EIF4G3: variants seen among roughly 807,000 people sequenced by gnomAD.
EIF4G3 encodes eukaryotic translation initiation factor 4 gamma 3, also known as eIF-4-gamma 3.
A neutral mutation model predicts 186.4 loss-of-function variants in EIF4G3; 34 were observed. The ratio of observed to expected loss-of-function variants is 0.18; its 90% CI spans 0.14 to 0.24. EIF4G3 has a LOEUF of 0.24. Among genes scored for constraint, EIF4G3 ranks in the 10% least tolerant of loss-of-function variants. EIF4G3 has a pLI of 1.00. For synonymous variants in EIF4G3, 673 were observed against 679.5 expected, an observed-to-expected ratio of 0.99 and a Z score of 0.15; for missense variants, 1,536 against 1,948.5, an observed-to-expected ratio of 0.79 and a Z score of 3.99.
chr1:20,941,386 T>C (rs1396316548), intron 14 of EIF4G3, 105 bp downstream of exon 14: 2 of 1,610,238 alleles, frequency 1.2e-6, no homozygotes, highest in African/African-American at 1.3e-5. Context: ...TCAGCATTCA[T>C]TCGATGTTTC....
In EIF4G3 at chr1:21,087,619, C is replaced by T. The variant is rs911378284; in HGVS notation, c.-196+1519G>A. The stretch of plus-strand genomic sequence containing the variant: ...ACCAACCTGAGCAACATCATAAAAC[C>T]TTGCCTCTACCAAAAAAAATTTTTT... On this transcript the variant is annotated intron_variant, in intron 3 of 36. Coordinates refer to ENST00000602326, the MANE Select transcript of EIF4G3 (RefSeq NM_001391906.1). Among the ~76,000 whole-genome samples, 3 of 149,868 alleles carry T rather than the reference C, an allele frequency of 2.0e-5. No individual in the cohort carries two copies. The South Asian group carries it at 6.4e-4, about 32-fold the overall frequency.
chr1:20,899,637 T>C lies in EIF4G3; in HGVS notation c.1999+60A>G, dbSNP rs545512498. ...AGTATCTCTCTAAAAAGAGGCAACA[T>C]TTCTCTAAGGTTGCAGTAGAGGGAT... is the stretch of plus-strand genomic sequence containing the variant. On this transcript the variant is annotated intron_variant, in intron 16 of 36. Transcript: ENST00000602326. 2.5e-4 allele frequency: 394 copies of C among 1,580,026 alleles called. 2 individuals are homozygous for C. In the African/African-American group the frequency reaches 4.7e-3, roughly 19 times the overall value.
Position 20,864,696 on chromosome 1 carries a change from C to T in EIF4G3, c.2786G>A (p.Arg929Lys), listed in dbSNP as rs1282351638. Residue 929 changes from arginine to lysine, a missense_variant, in exon 22 of 37, where the codon AGG (arginine) becomes AAG (lysine). Coordinates refer to ENST00000602326, the MANE Select transcript of EIF4G3 (RefSeq NM_001391906.1). ...EAASAPEERT[R>K]LHDELEEAKD... is the part of the protein sequence containing the mutation. ...GGCTTCTTCCAGTTCATCATGAAGC[C>T]TTGTCCTCTCCTCTGGCTGTTGTGT... 6.2e-7 allele frequency: 1 copy of T among 1,614,072 alleles called. No homozygotes were observed. Among genetic ancestry groups the T allele is most frequent in the Admixed American group, 1.7e-5 (1 of 60,030 alleles).
At chr1:20,950,973 G>T (rs1341456566) in intron 12 of EIF4G3, among the ~76,000 whole-genome samples, 1 of 152,146 alleles carries the variant, frequency 6.6e-6, no homozygotes, top group African/African-American at 2.4e-5. Context: ...TCTCCTCGGA[G>T]ATCTAAGGTC....
chr1:21,005,724 T>C (rs1377526298), intron 4 of EIF4G3, among the ~76,000 whole-genome samples: 1 of 152,172 alleles, frequency 6.6e-6, no homozygotes, highest in African/African-American at 2.4e-5. Context: ...ATCACAGATA[T>C]TGCTGGGGCT....
At chr1:20,981,328 T>G in intron 8 of EIF4G3, 101 bp from the exon 9 acceptor site, 2 of 835,246 alleles carry the variant, frequency 2.4e-6, no homozygotes, top group Non-Finnish European at 3.5e-6. Context: ...TCTGGTCAAC[T>G]TGAATTACAA....
intron 3 of EIF4G3, among the ~76,000 whole-genome samples, chr1:21,054,119 G>A (rs1429340390): frequency 6.6e-6 from 1 of 152,006 alleles, no homozygotes; most frequent in South Asian, 2.1e-4. Flanking sequence ...ATTTTGTTCT[G>A]TACTAAGAAA....
At chr1:20,873,614 T>C (rs1001368480) in intron 20 of EIF4G3, among the ~76,000 whole-genome samples, 19 of 23,558 alleles carry the variant, frequency 8.1e-4, no homozygotes, top group African/African-American at 2.3e-3. Flanking sequence ...TAAAATGGGA[T>C]TTTTTTTTCA....
intron 34 of EIF4G3, among the ~76,000 whole-genome samples, chr1:20,815,689 C>T (rs1361174651): frequency 1.3e-4 from 18 of 140,634 alleles, no homozygotes; most frequent in African/African-American, 2.7e-4. Flanking sequence ...CCGCCCCGTC[C>T]GGGAGGTGAG....
intron 3 of EIF4G3, among the ~76,000 whole-genome samples, chr1:21,083,919 C>T (rs1413306441): frequency 6.6e-6 from 1 of 152,076 alleles, no homozygotes; most frequent in Non-Finnish European, 1.5e-5. Context: ...ACTCAGTTGC[C>T]CAAACCAAGA....
At position 20,851,410 on chromosome 1, in the gene EIF4G3, A is replaced by G. The variant is rs979189885; in HGVS notation, c.3620T>C (p.Phe1207Ser). 4.3e-6 allele frequency: 7 copies of G among 1,613,970 alleles called. No homozygotes were observed. Among genetic ancestry groups the G allele is most frequent in the Admixed American group, 1.7e-5 (1 of 59,990 alleles). The change falls in exon 28 of 37, where the codon TTC becomes TCC. Residue 1207 changes from phenylalanine to serine, a missense_variant. Physicochemically the swap from Phe to Ser is radical, Grantham distance 155. This residue lies in a region of EIF4G3 where 395 missense variants were observed against 498.9 expected (regional missense o/e 0.79). Transcript: ENST00000602326. The stretch of plus-strand genomic sequence containing the variant: ...GTCTTTACTGCTGCCACCCCTCATG[A>G]AAGTATTTGGCCGAGCTGTTGCAGA... ...LPSATARPNT[F>S]MRGGSSKDLL...
At chr1:20,836,129 C>T (rs1193032365) in intron 30 of EIF4G3, among the ~76,000 whole-genome samples, 1 of 152,106 alleles carries the variant, frequency 6.6e-6, no homozygotes, top group Non-Finnish European at 1.5e-5. Context: ...CTATAGGCAC[C>T]CACCACCATG....
chr1:21,080,297 CAGAG>C (rs1163741774), intron 3 of EIF4G3, among the ~76,000 whole-genome samples: 1 of 146,616 alleles, frequency 6.8e-6, no homozygotes, highest in African/African-American at 2.5e-5. Flanking sequence ...CCATGGGCAA[CAGAG>C]AGAGACACTG....
chr1:20,892,709 CCTGCTCTGCACTTTG>C (rs1190446472), intron 18 of EIF4G3: 26 of 1,535,796 alleles, frequency 1.7e-5, no homozygotes, highest in Non-Finnish European at 8.7e-7. Context: ...GCAATCCATG[CCTGCTCTGCACTTTG>C]CAAATCTGTA....
chr1:20,934,398 A>G (rs1004667210), intron 14 of EIF4G3, among the ~76,000 whole-genome samples: 3 of 152,154 alleles, frequency 2.0e-5, no homozygotes, highest in South Asian at 2.1e-4. Context: ...GAGACAGACA[A>G]TAAGAAGGTG....
intron 3 of EIF4G3, among the ~76,000 whole-genome samples, chr1:21,080,559 G>A (rs1456497352): frequency 4.0e-5 from 6 of 151,732 alleles, no homozygotes; most frequent in Non-Finnish European, 7.4e-5. Context: ...GCCCAGGCTC[G>A]AGTGCAATGG....
chr1:21,030,219 C>G (rs2154571790), intron 4 of EIF4G3, among the ~76,000 whole-genome samples: 1 of 152,300 alleles, frequency 6.6e-6, no homozygotes. Flanking sequence ...CAGTTCTCAG[C>G]TGATATGGTT....
chr1:20,868,090 C>CTTTTTTTTTCT lies in EIF4G3; in HGVS notation c.2623-2829_2623-2828insAGAAAAAAAAA, dbSNP rs2078056905. ...GAGAATAGTGATTCATGGTGATTTT[C>CTTTTTTTTTCT]TTTTTTTTTTTTTTTTGTCCTTAGG... is the stretch of plus-strand genomic sequence containing the variant. On this transcript the variant is annotated intron_variant, in intron 20 of 36. Transcript: ENST00000602326. Among the ~76,000 whole-genome samples the CTTTTTTTTTCT allele has an allele frequency of 2.2e-5, 2 of 90,416 alleles. 1 individual carries two copies. The highest frequency in any genetic ancestry group is 4.0e-5 in the Non-Finnish European group (2 of 49,744). 59.3% of individuals were successfully genotyped at this position (90,416 alleles called of 152,430 possible).
intron 14 of EIF4G3, among the ~76,000 whole-genome samples, chr1:20,906,074 C>T (rs2091996815): frequency 6.6e-6 from 1 of 152,076 alleles, no homozygotes; most frequent in Non-Finnish European, 1.5e-5. Flanking sequence ...TTAAAAAATA[C>T]TCTGCATGTC....
Sources: allele counts gnomAD v4.1 joint callset (sites outside exome capture counted in the v4.1 genomes callset), GRCh38; gene constraint gnomAD v4.1.1; regional missense constraint gnomAD v4.1.1; transcripts MANE v1.5; gene names NCBI Gene and HGNC (gene_info 2026-07-23, HGNC 2026-07-21).